The following PCDH15 variants were observed in gnomAD, a reference collection of about 807,000 sequenced individuals.
PCDH15 encodes the protein protocadherin-15.
PCDH15 carries 129 observed loss-of-function variants against 178.5 expected under a neutral mutation model. The observed-to-expected ratio is 0.72, with a 90% CI of 0.63 to 0.84. The LOEUF (loss-of-function observed/expected upper bound fraction) is 0.84, where lower values mean the gene tolerates loss of function less well. Ranked by LOEUF, PCDH15 falls within the 40% of genes least tolerant of loss-of-function variation. The probability of loss-of-function intolerance (pLI) is 0.00; values close to 1 mark genes in which losing one functional copy is unlikely to be tolerated. For missense variants in PCDH15, 2,230 were observed against 2,099.9 expected (o/e 1.06, Z -1.21); for synonymous variants, 800 against 732.0 (o/e 1.09, Z -1.50).
At chr10:55,191,649 CTAAT>C (rs1220961259) in intron 1 of PCDH15, among the ~76,000 whole-genome samples, 2 of 151,916 alleles carry the variant, frequency 1.3e-5, no homozygotes, top group African/African-American at 4.8e-5. Context: ...AATCACGTGA[CTAAT>C]TATTGTTCCA....
At chr10:54,858,316 A>G (rs1200501666) in intron 3 of PCDH15, among the ~76,000 whole-genome samples, 1 of 152,162 alleles carries the variant, frequency 6.6e-6, no homozygotes, top group Non-Finnish European at 1.5e-5. Context: ...ATTCATTGAT[A>G]GACACTTCAG....
At chr10:55,501,969 GT>G (rs1004131333) in intron 2 of PCDH15, among the ~76,000 whole-genome samples, 60 of 151,356 alleles carry the variant, frequency 4.0e-4, no homozygotes, top group East Asian at 9.8e-4. Flanking sequence ...ATTTAAAAAT[GT>G]TTTTTTTCTT....
intron 37 of PCDH15, chr10:53,808,343 T>TAC (rs1277851080): frequency 3.5e-6 from 2 of 567,526 alleles, no homozygotes; most frequent in Non-Finnish European, 4.5e-6. Context: ...TATATATATA[T>TAC]ATATATATAT....
chr10:55,430,408 G>T (rs1315367698), intron 2 of PCDH15, among the ~76,000 whole-genome samples: 2 of 152,140 alleles, frequency 1.3e-5, no homozygotes, highest in Non-Finnish European at 2.9e-5. Context: ...ATCAAGCAAA[G>T]GTTTAATCAT....
chr10:53,825,117 A>G, intron 32 of PCDH15: 1 of 1,536,794 alleles, frequency 6.5e-7, no homozygotes, highest in Non-Finnish European at 8.8e-7. Flanking sequence ...CTTCTATTAG[A>G]GTGATATTAT....
chr10:55,317,191 T>C (rs1261680346), intron 1 of PCDH15, among the ~76,000 whole-genome samples: 1 of 152,170 alleles, frequency 6.6e-6, no homozygotes, highest in Non-Finnish European at 1.5e-5. Flanking sequence ...ATTTTTAAGA[T>C]TGGTCTCAAC....
At chr10:54,218,466 T>C (rs1461098530) in intron 9 of PCDH15, among the ~76,000 whole-genome samples, 1 of 151,896 alleles carries the variant, frequency 6.6e-6, no homozygotes, top group Admixed American at 6.6e-5. Flanking sequence ...AATGAGTCTA[T>C]ATGGGTGGGC....
intron 3 of PCDH15, among the ~76,000 whole-genome samples, chr10:54,445,235 C>T (rs539175321): frequency 6.6e-6 from 1 of 151,208 alleles, no homozygotes; most frequent in Admixed American, 6.6e-5. Context: ...AAAATTTACC[C>T]ATCTTTTATT....
intron 21 of PCDH15, among the ~76,000 whole-genome samples, chr10:53,963,869 A>G (rs1398158722): frequency 6.6e-6 from 1 of 152,074 alleles, no homozygotes; most frequent in East Asian, 1.9e-4. Context: ...TTCTGCTTCC[A>G]TTGTATTAAA....
chr10:54,582,198 A>G (rs145659127), intron 2 of PCDH15, among the ~76,000 whole-genome samples: 1,746 of 152,270 alleles, frequency 0.011, 34 homozygotes, highest in African/African-American at 0.039. Flanking sequence ...CAGAGGTCTA[A>G]TACCCAGAAT....
intron 1 of PCDH15, among the ~76,000 whole-genome samples, chr10:54,778,937 G>A (rs1028267906): frequency 6.6e-6 from 1 of 152,074 alleles, no homozygotes; most frequent in African/African-American, 2.4e-5. Flanking sequence ...CAAAGGTAGA[G>A]TTGGGTTTCA....
chr10:55,432,235 T>A (rs1330605836), intron 2 of PCDH15, among the ~76,000 whole-genome samples: 1 of 152,142 alleles, frequency 6.6e-6, no homozygotes, highest in Non-Finnish European at 1.5e-5. Context: ...GAATTACAGA[T>A]AAATGTTCAA....
chr10:54,626,555 G>A (rs1444755813), intron 2 of PCDH15, among the ~76,000 whole-genome samples: 5 of 152,216 alleles, frequency 3.3e-5, no homozygotes, highest in Non-Finnish European at 5.9e-5. Context: ...GAGCCTGCAA[G>A]TGTACAGAAG....
At chr10:54,500,563 T>C (rs1388016258) in intron 3 of PCDH15, among the ~76,000 whole-genome samples, 1 of 152,016 alleles carries the variant, frequency 6.6e-6, no homozygotes, top group Non-Finnish European at 1.5e-5. Flanking sequence ...GGCCCGGTGG[T>C]TCACAGGTGT....
chr10:55,269,848 G>C (rs1038989725), intron 1 of PCDH15, among the ~76,000 whole-genome samples: 9 of 152,050 alleles, frequency 5.9e-5, no homozygotes, highest in African/African-American at 1.9e-4. Flanking sequence ...AATGAACAAA[G>C]CTGCAGACAT....
intron 2 of PCDH15, chr10:55,575,762 G>C (rs890198923): frequency 6.6e-6 from 1 of 152,160 alleles, no homozygotes; most frequent in Non-Finnish European, 1.5e-5. Flanking sequence ...ACACTTGGAG[G>C]AAATTCACGA....
At chr10:54,884,340 C>T (rs1329637293) in intron 3 of PCDH15, among the ~76,000 whole-genome samples, 1 of 151,954 alleles carries the variant, frequency 6.6e-6, no homozygotes, top group African/African-American at 2.4e-5. Context: ...CAAATAATCA[C>T]ACAAATTCAC....
intron 2 of PCDH15, among the ~76,000 whole-genome samples, chr10:54,981,587 A>T (rs1839233141): frequency 6.6e-6 from 1 of 152,230 alleles, no homozygotes; most frequent in African/African-American, 2.4e-5. Context: ...GAAGAGATTT[A>T]AAATTAAACT....
intron 15 of PCDH15, among the ~76,000 whole-genome samples, chr10:54,110,739 G>T (rs2095005460): frequency 6.6e-6 from 1 of 151,998 alleles, no homozygotes; most frequent in African/African-American, 2.4e-5. Flanking sequence ...CTTATGTGTG[G>T]GTGAGACAAG....
Sources: allele counts gnomAD v4.1 joint callset (sites outside exome capture counted in the v4.1 genomes callset), GRCh38; gene constraint gnomAD v4.1.1; transcripts MANE v1.5; gene names NCBI Gene and HGNC (gene_info 2026-07-23, HGNC 2026-07-21).